ZNF385B: variants seen among roughly 807,000 people sequenced by gnomAD.
ZNF385B encodes the protein zinc finger protein 533.
In ZNF385B, 23 loss-of-function variants were observed where a neutral mutation model predicts 39.2. That is an observed-to-expected ratio of 0.59 (90% CI 0.42 to 0.83). ZNF385B has a LOEUF of 0.83. Among genes scored for constraint, ZNF385B ranks in the 40% least tolerant of loss-of-function variants. The pLI is 0.00. For missense variants in ZNF385B, 552 were observed against 598.9 expected (o/e 0.92, Z 0.82); for synonymous variants, 205 against 222.6 (o/e 0.92, Z 0.70).
chr2:179,806,929 C>A (rs1706387656), intron 1 of ZNF385B, among the ~76,000 whole-genome samples: 1 of 152,108 alleles, frequency 6.6e-6, no homozygotes, highest in Non-Finnish European at 1.5e-5. Flanking sequence ...AAAAGTCTAA[C>A]AATGAATACT....
intron 1 of ZNF385B, among the ~76,000 whole-genome samples, chr2:179,795,521 A>G (rs1458366970): frequency 1.3e-5 from 2 of 152,216 alleles, no homozygotes; most frequent in Non-Finnish European, 2.9e-5. Context: ...GAGATTATAA[A>G]TTTGATACAA....
chr2:179,448,722 A>G (rs2049770634), intron 6 of ZNF385B, among the ~76,000 whole-genome samples: 6 of 152,140 alleles, frequency 3.9e-5, no homozygotes, highest in Admixed American at 3.9e-4. Context: ...AGTAAGTGGC[A>G]TAAATGAGCA....
At chr2:179,488,436 G>A (rs574575561) in intron 5 of ZNF385B, among the ~76,000 whole-genome samples, 369 of 152,252 alleles carry the variant, frequency 2.4e-3, no homozygotes, top group Non-Finnish European at 4.4e-3. Flanking sequence ...GAGCCACTGC[G>A]CACGGCCTGA....
At chr2:179,667,225 A>G (rs1219687513) in intron 3 of ZNF385B, among the ~76,000 whole-genome samples, 1 of 152,204 alleles carries the variant, frequency 6.6e-6, no homozygotes, top group Non-Finnish European at 1.5e-5. Context: ...CTACATTAAC[A>G]TTCAGTAATG....
At chr2:179,789,993 T>C (rs1365346333) in intron 1 of ZNF385B, among the ~76,000 whole-genome samples, 1 of 152,194 alleles carries the variant, frequency 6.6e-6, no homozygotes, top group East Asian at 1.9e-4. Flanking sequence ...GAAACAACTT[T>C]TCCTTTGAAA....
At chr2:179,852,222 C>T (rs1343410637) in intron 1 of ZNF385B, among the ~76,000 whole-genome samples, 1 of 152,144 alleles carries the variant, frequency 6.6e-6, no homozygotes, top group Non-Finnish European at 1.5e-5. Flanking sequence ...CTATTTCTTA[C>T]CATAAAACCA....
chr2:179,577,566 C>T (rs571430877), intron 3 of ZNF385B, among the ~76,000 whole-genome samples: 1 of 151,826 alleles, frequency 6.6e-6, no homozygotes, highest in Non-Finnish European at 1.5e-5. Flanking sequence ...GATAAGTGGA[C>T]CTATGCTCCT....
At chr2:179,654,601 T>C (rs1437299273) in intron 3 of ZNF385B, among the ~76,000 whole-genome samples, 1 of 152,240 alleles carries the variant, frequency 6.6e-6, no homozygotes, top group African/African-American at 2.4e-5. Flanking sequence ...TTCTTCATGA[T>C]ACTTTAGTTC....
At chr2:179,780,942 C>T (rs1575478966) in intron 1 of ZNF385B, among the ~76,000 whole-genome samples, 2 of 152,120 alleles carry the variant, frequency 1.3e-5, no homozygotes, top group African/African-American at 2.4e-5. Flanking sequence ...AGGGAAAATG[C>T]TAAATTGAAC....
At chr2:179,751,940 C>T (rs1423132075) in intron 3 of ZNF385B, among the ~76,000 whole-genome samples, 1 of 151,744 alleles carries the variant, frequency 6.6e-6, no homozygotes, top group South Asian at 2.1e-4. Flanking sequence ...ATTTTAGTTT[C>T]TTTTTATTAT....
At chr2:179,758,282 A>G (rs187461067) in intron 3 of ZNF385B, among the ~76,000 whole-genome samples, 75 of 152,270 alleles carry the variant, frequency 4.9e-4, no homozygotes, top group Admixed American at 2.0e-3. Context: ...ACAGTTATGA[A>G]GGCTAAGAAG....
At chr2:179,570,032 G>C (rs1314949613) in intron 3 of ZNF385B, among the ~76,000 whole-genome samples, 1 of 152,162 alleles carries the variant, frequency 6.6e-6, no homozygotes, top group African/African-American at 2.4e-5. Context: ...TGGCAAATGA[G>C]GTATTCTGAG....
intron 5 of ZNF385B, among the ~76,000 whole-genome samples, chr2:179,488,232 C>A (rs529782212): frequency 4.4e-4 from 67 of 152,256 alleles, no homozygotes; most frequent in African/African-American, 1.5e-3. Flanking sequence ...GCAACCTCCA[C>A]CTCCCGGGTT....
At chr2:179,546,752 G>A (rs1206044392) in intron 3 of ZNF385B, among the ~76,000 whole-genome samples, 1 of 133,338 alleles carries the variant, frequency 7.5e-6, no homozygotes, top group African/African-American at 3.2e-5. Flanking sequence ...CTAGCAGTGG[G>A]ATTGTTGGGT....
chr2:179,695,845 T>C (rs758570634), intron 3 of ZNF385B, among the ~76,000 whole-genome samples: 4 of 152,148 alleles, frequency 2.6e-5, no homozygotes, highest in African/African-American at 7.2e-5. Context: ...AACCCAAATG[T>C]CAATCAACAG....
intron 6 of ZNF385B, among the ~76,000 whole-genome samples, chr2:179,455,948 A>G (rs191996531): frequency 1.0e-3 from 157 of 152,230 alleles, no homozygotes; most frequent in Non-Finnish European, 1.9e-3. Context: ...AGAAGGAACT[A>G]AAACTATTTA....
chr2:179,492,754 A>G (rs990534406), intron 5 of ZNF385B, among the ~76,000 whole-genome samples: 7 of 152,190 alleles, frequency 4.6e-5, no homozygotes, highest in African/African-American at 1.7e-4. Context: ...AAAACCTAGA[A>G]GATATCTTAT....
chr2:179,716,122 T>C (rs898352644), intron 3 of ZNF385B, among the ~76,000 whole-genome samples: 3 of 152,102 alleles, frequency 2.0e-5, no homozygotes, highest in Middle Eastern at 3.2e-3. Context: ...TTTTGAGGAG[T>C]TGCATTTGGA....
chr2:179,758,817 C>T (rs187437098), intron 3 of ZNF385B, among the ~76,000 whole-genome samples: 35 of 152,332 alleles, frequency 2.3e-4, no homozygotes, highest in Admixed American at 6.5e-4. Context: ...CAGCCTGCAG[C>T]TCCACGGGTG....
Sources: allele counts gnomAD v4.1 joint callset (sites outside exome capture counted in the v4.1 genomes callset), GRCh38; gene constraint gnomAD v4.1.1; transcripts MANE v1.5; gene names NCBI Gene and HGNC (gene_info 2026-07-23, HGNC 2026-07-21).